The following OR6Y1 variants were observed in gnomAD, a reference collection of about 807,000 sequenced individuals.
OR6Y1 encodes the protein olfactory receptor 6Y1.
In OR6Y1, 1 loss-of-function variant was observed where a neutral mutation model predicts 0.4. That is an observed-to-expected ratio of 2.74 (90% CI 0.97 to 13.02). The LOEUF is 13.02. Among genes scored for constraint, OR6Y1 ranks in the 30% most tolerant of loss-of-function variants. OR6Y1 has a pLI of 0.12. For synonymous variants in OR6Y1, 173 were observed against 141.1 expected (o/e 1.23, Z -1.60); for missense variants, 480 against 399.8 (o/e 1.20, Z -1.71).
At chr1:158,551,924 A>AT (rs960228679) in intron 1 of OR6Y1, among the ~76,000 whole-genome samples, 1 of 148,962 alleles carries the variant, frequency 6.7e-6, no homozygotes, top group Non-Finnish European at 1.5e-5. Context: ...ACTTTGCCTG[A>AT]TTTTTTCCAG....
chr1:158,554,141 G>GA (rs1647773895), intron 1 of OR6Y1, 125 bp downstream of exon 1: 3 of 152,100 alleles, frequency 2.0e-5, no homozygotes, highest in African/African-American at 7.2e-5. Flanking sequence ...TAAAATTTTG[G>GA]ATGAATCAGT....
Position 158,547,696 on chromosome 1 carries a change from TAG to T in OR6Y1, c.408_409del (p.Tyr137ProfsTer27). ...GAGCTGGTTGGTCATGATGACTGGG[TAG>T]CGTAGTGGATTACAAATGGCTACAT... On this transcript the variant is annotated frameshift_variant, in exon 2 of 2. Coordinates refer to ENST00000641622, the MANE Select transcript of OR6Y1 (RefSeq NM_001005189.2). LOFTEE classifies it low-confidence loss of function (END_TRUNC). 1.2e-6 allele frequency: 2 copies of T among 1,613,476 alleles called. No homozygotes were observed. Among genetic ancestry groups the T allele is most frequent in the Non-Finnish European group, 1.7e-6 (2 of 1,179,994 alleles).
At chr1:158,549,756 G>T (rs1647651873) in intron 1 of OR6Y1, among the ~76,000 whole-genome samples, 1 of 151,720 alleles carries the variant, frequency 6.6e-6, no homozygotes, top group South Asian at 2.1e-4. Flanking sequence ...TATTCACTAG[G>T]CAGTGTGAGA....
intron 1 of OR6Y1, among the ~76,000 whole-genome samples, chr1:158,552,980 C>G (rs10908683): frequency 0.51 from 77,435 of 151,608 alleles, 20,139 homozygotes; most frequent in African/African-American, 0.62. Flanking sequence ...CCCTAGGTTT[C>G]TGGTAGGACA....
rs771764599 is a variant in OR6Y1, at chr1:158,547,273, A to G, written c.833T>C (p.Val278Ala). 6.2e-7 allele frequency: 1 copy of G among 1,613,574 alleles called. No homozygotes were observed. Among genetic ancestry groups the G allele is most frequent in the Non-Finnish European group, 8.5e-7 (1 of 1,179,958 alleles). The change falls in exon 2 of 2, where the codon GTG (valine) becomes GCG (alanine). Residue 278 changes from valine (V) to alanine (A), a missense_variant. Coordinates refer to ENST00000641622, the MANE Select transcript of OR6Y1 (RefSeq NM_001005189.2). ...KLMYAYNSNKVVSVLYTVIVP... is the reference protein window; with the variant it reads ...KLMYAYNSNKAVSVLYTVIVP... ...AATGACAGTGTAGAGAACAGATACC[A>G]CTTTGTTGGAATTGTAGGCATACAT...
chr1:158,549,735 T>C (rs10797025), intron 1 of OR6Y1, among the ~76,000 whole-genome samples, 198 bp from the exon 2 acceptor site: 77,630 of 151,482 alleles, frequency 0.51, 20,664 homozygotes, highest in African/African-American at 0.62. Flanking sequence ...TCCTTGCTCA[T>C]TGCAGCTTGG....
In OR6Y1 at chr1:158,547,390, CG is replaced by C. The variant is rs764354380; in HGVS notation, c.715del (p.Arg239AlafsTer12). 1.9e-6 allele frequency: 3 copies of C among 1,613,430 alleles called. No homozygotes were observed. Among genetic ancestry groups the C allele is most frequent in the South Asian group, 2.2e-5 (2 of 91,078 alleles). On this transcript the variant is annotated frameshift_variant, in exon 2 of 2. Transcript: ENST00000641622. LOFTEE classifies it high-confidence loss of function. ...TILRIPSAQG[R>X]QKAFSTCASH... is the part of the protein sequence containing the mutation. ...GGCACAGGTGGAGAATGCCTTTTGG[CG>C]GCCCTGAGCAGAAGGGATCCTGAGG...
chr1:158,545,275 G>T lies in OR6Y1; in HGVS notation c.*1853C>A, dbSNP rs550181148. The stretch of plus-strand genomic sequence containing the variant: ...CAAAATTAGACGTTACTTCACACCA[G>T]TTAGAATGGCTATTATTATGGACAC... On this transcript the variant is annotated 3_prime_UTR_variant, in exon 2 of 2. Coordinates refer to ENST00000641622, the MANE Select transcript of OR6Y1 (RefSeq NM_001005189.2). 1 of 139,856 alleles carries T rather than the reference G, an allele frequency of 7.2e-6. No individual in the cohort carries two copies. Among genetic ancestry groups the T allele is most frequent in the South Asian group, 2.3e-4 (1 of 4,362 alleles). 8.7% of individuals were successfully genotyped at this position (139,856 alleles called of 1,614,324 possible). A position where few individuals can be genotyped will look rare whatever the true frequency, so the allele number is the denominator to read the frequency against.
At chr1:158,549,599 G>A (rs867401014) in intron 1 of OR6Y1, 62 bp from the exon 2 acceptor site, 2 of 151,734 alleles carry the variant, frequency 1.3e-5, no homozygotes, top group African/African-American at 4.9e-5. Context: ...AATGGACACA[G>A]ATAACCCAGA....
chr1:158,549,795 T>C (rs1647652787), intron 1 of OR6Y1, among the ~76,000 whole-genome samples: 1 of 150,650 alleles, frequency 6.6e-6, no homozygotes, highest in Admixed American at 6.6e-5. Flanking sequence ...GCAAGGTTTA[T>C]GAATCCTCCT....
At chr1:158,552,428 C>T (rs1297902627) in intron 1 of OR6Y1, among the ~76,000 whole-genome samples, 1 of 151,834 alleles carries the variant, frequency 6.6e-6, no homozygotes, top group Non-Finnish European at 1.5e-5. Context: ...TTCTTTTTCC[C>T]CTTGAGCCTT....
At chr1:158,553,111 C>T (rs887426910) in intron 1 of OR6Y1, among the ~76,000 whole-genome samples, 2 of 152,216 alleles carry the variant, frequency 1.3e-5, no homozygotes, top group African/African-American at 4.8e-5. Flanking sequence ...TACTTTATAA[C>T]TTTCCAAAAC....
In OR6Y1 at chr1:158,547,345, A is replaced by T. The variant is rs1471302317; in HGVS notation, c.761T>A (p.Ile254Asn). ...STCASHLTVV[I>N]LFYSMTLFTY... ...GAAAAGTGTCATGGAATAGAAGAGAATTACGACGGTCAGGTGGGAGGCACA... is the reference window on the plus strand; with the variant it reads ...GAAAAGTGTCATGGAATAGAAGAGATTTACGACGGTCAGGTGGGAGGCACA... Residue 254 changes from isoleucine (I) to asparagine (N), a missense_variant, in exon 2 of 2, where the codon ATT (isoleucine) becomes AAT (asparagine). Coordinates refer to ENST00000641622, the MANE Select transcript of OR6Y1 (RefSeq NM_001005189.2). The T allele has an allele frequency of 5.6e-6, 9 of 1,613,418 alleles. No individual in the cohort carries two copies. The highest frequency in any genetic ancestry group is 7.6e-6 in the Non-Finnish European group (9 of 1,179,988).
In OR6Y1 at chr1:158,546,309, C is replaced by T. The variant is rs1489303140; in HGVS notation, c.*819G>A. The T allele has an allele frequency of 6.6e-6, 1 of 152,076 alleles. No individual in the cohort carries two copies. Among genetic ancestry groups the T allele is most frequent in the African/African-American group, 2.4e-5 (1 of 41,396 alleles). The allele number at this position is 152,076 out of a possible 1,614,324, so 9.4% of individuals were successfully genotyped here. A position where few individuals can be genotyped will look rare whatever the true frequency, so the allele number is the denominator to read the frequency against. ...GAGGGAGGAGTGGGACATAACTTTGCCCATAACAACTACCTATTTTTAAAA... is the reference window on the plus strand; with the variant it reads ...GAGGGAGGAGTGGGACATAACTTTGTCCATAACAACTACCTATTTTTAAAA... On this transcript the variant is annotated 3_prime_UTR_variant, in exon 2 of 2. Coordinates refer to ENST00000641622, the MANE Select transcript of OR6Y1 (RefSeq NM_001005189.2).
intron 1 of OR6Y1, among the ~76,000 whole-genome samples, chr1:158,553,707 C>T (rs145945629): frequency 1.2e-3 from 183 of 152,062 alleles, no homozygotes; most frequent in Non-Finnish European, 1.5e-3. Flanking sequence ...CACCACTTCT[C>T]GCATACATGT....
In OR6Y1 at chr1:158,547,774, G is replaced by C; in HGVS notation, c.332C>G (p.Thr111Ser). ...GCMTQLYFFV[T>S]FVCTEYILLA... is the part of the protein sequence containing the mutation. Reference sequence around the variant, plus strand: ...AAGGATGTACTCAGTGCAGACAAAGGTCACAAAAAAGTAAAGTTGAGTCAT... The same window carrying C: ...AAGGATGTACTCAGTGCAGACAAAGCTCACAAAAAAGTAAAGTTGAGTCAT... Residue 111 changes from threonine (T) to serine (S), a missense_variant, in exon 2 of 2, where the codon ACC (threonine) becomes AGC (serine). By Grantham distance (58) the Thr-to-Ser change is moderately conservative (BLOSUM62 1). Transcript: ENST00000641622. The C allele has an allele frequency of 6.2e-7, 1 of 1,613,470 alleles. No individual in the cohort carries two copies.
At position 158,546,925 on chromosome 1, in the gene OR6Y1, C is replaced by T. The variant is rs947863364; in HGVS notation, c.*203G>A. ...TTTTCTAACATTTTAAAACTTGTCT[C>T]TCAGCCTGATACCAGAGGTTACTTC... On this transcript the variant is annotated 3_prime_UTR_variant, in exon 2 of 2. Coordinates refer to ENST00000641622, the MANE Select transcript of OR6Y1 (RefSeq NM_001005189.2). 1.3e-5 allele frequency: 6 copies of T among 454,778 alleles called. No homozygotes were observed. Among genetic ancestry groups the T allele is most frequent in the African/African-American group, 1.0e-4 (5 of 50,058 alleles). The allele number at this position is 454,778 out of a possible 1,614,324, so 28.2% of individuals were successfully genotyped here. A position where few individuals can be genotyped will look rare whatever the true frequency, so the allele number is the denominator to read the frequency against.
At chr1:158,552,240 G>GTATATATATATATATATATATATA (rs143313955) in intron 1 of OR6Y1, among the ~76,000 whole-genome samples, 2 of 139,314 alleles carry the variant, frequency 1.4e-5, no homozygotes, top group African/African-American at 5.3e-5. Context: ...ATATATATAT[G>GTATATATATATATATATATATATA]TATATATATA....
At chr1:158,551,156 T>C (rs1647694380) in intron 1 of OR6Y1, among the ~76,000 whole-genome samples, 1 of 151,608 alleles carries the variant, frequency 6.6e-6, no homozygotes, top group South Asian at 2.1e-4. Flanking sequence ...AATTGTACCT[T>C]TAAAAATAGT....
Sources: allele counts gnomAD v4.1 joint callset (sites outside exome capture counted in the v4.1 genomes callset), GRCh38; gene constraint gnomAD v4.1.1; transcripts MANE v1.5; gene names NCBI Gene and HGNC (gene_info 2026-07-23, HGNC 2026-07-21).